ANKFN1: variants seen among roughly 807,000 people sequenced by gnomAD.
ANKFN1 encodes ankyrin repeat and fibronectin type III domain containing 1.
In ANKFN1, 74 loss-of-function variants were observed where a neutral mutation model predicts 108.7. The observed-to-expected ratio is 0.68, with a 90% CI of 0.56 to 0.83. The LOEUF is 0.83. Among genes scored for constraint, ANKFN1 ranks in the 40% least tolerant of loss-of-function variants. The pLI, the probability that ANKFN1 is intolerant of heterozygous loss-of-function variation, is 0.00. For missense variants in ANKFN1, 1,505 were observed against 1,382.3 expected, an observed-to-expected ratio of 1.09 and a Z score of -1.41; for synonymous variants, 547 against 516.2, an observed-to-expected ratio of 1.06 and a Z score of -0.81.
chr17:56,476,835 C>A (rs756786778), intron 15 of ANKFN1, among the ~76,000 whole-genome samples: 2 of 152,178 alleles, frequency 1.3e-5, no homozygotes, highest in African/African-American at 4.8e-5. Context: ...AGCTATCATA[C>A]AATTTAATTT....
chr17:56,395,703 G>T (rs2047561432), intron 8 of ANKFN1, among the ~76,000 whole-genome samples: 1 of 151,962 alleles, frequency 6.6e-6, no homozygotes, highest in East Asian at 1.9e-4. Flanking sequence ...ACAAAAATTA[G>T]CCAGGCATAG....
At chr17:56,453,965 C>T (rs1011112910) in intron 11 of ANKFN1, among the ~76,000 whole-genome samples, 1 of 152,056 alleles carries the variant, frequency 6.6e-6, no homozygotes, top group Non-Finnish European at 1.5e-5. Context: ...CAGTGATGTA[C>T]TAAGGCATCT....
intron 3 of ANKFN1, among the ~76,000 whole-genome samples, chr17:56,295,254 A>G (rs2044475010): frequency 1.3e-5 from 2 of 152,252 alleles, no homozygotes; most frequent in South Asian, 4.1e-4. Context: ...ATCACCACTC[A>G]TTTCAGCAAA....
At chr17:56,286,492 A>G (rs1425600985) in intron 3 of ANKFN1, among the ~76,000 whole-genome samples, 1 of 152,124 alleles carries the variant, frequency 6.6e-6, no homozygotes, top group Admixed American at 6.6e-5. Flanking sequence ...TCATTTGCTC[A>G]CATGTCTGGA....
At chr17:56,141,970 G>A (rs948248910) in intron 4 of ANKFN1, among the ~76,000 whole-genome samples, 20 of 125,730 alleles carry the variant, frequency 1.6e-4, no homozygotes, top group African/African-American at 5.1e-4. Flanking sequence ...TGGCTCTGTC[G>A]CCCAGGCTGG....
At chr17:56,448,280 A>G (rs2049361291) in intron 10 of ANKFN1, among the ~76,000 whole-genome samples, 1 of 151,874 alleles carries the variant, frequency 6.6e-6, no homozygotes, top group Non-Finnish European at 1.5e-5. Flanking sequence ...GACCTGCTGA[A>G]AAAAAAAACA....
intron 2 of ANKFN1, chr17:56,224,707 A>G (rs1916132747): frequency 6.6e-6 from 1 of 152,208 alleles, no homozygotes; most frequent in African/African-American, 2.4e-5. Context: ...AATGAATGGT[A>G]TGAAGAATCC....
intron 4 of ANKFN1, among the ~76,000 whole-genome samples, chr17:56,080,923 A>G (rs547187409): frequency 1.3e-5 from 2 of 152,292 alleles, no homozygotes; most frequent in African/African-American, 4.8e-5. Context: ...CTTATCACGC[A>G]ATCCCTCCCC....
In ANKFN1 at chr17:56,063,286, A is replaced by T. The variant is rs555874856; in HGVS notation, c.288+16961A>T. Reference sequence around the variant, plus strand: ...TGTTCTCTGTATTTCCTGAATGTGCATATTGGCCTGTCTTGTTAGATTGGG... The same window carrying T: ...TGTTCTCTGTATTTCCTGAATGTGCTTATTGGCCTGTCTTGTTAGATTGGG... On this transcript the variant is annotated intron_variant, in intron 4 of 12. Coordinates refer to the ANKFN1 transcript ENST00000635860. Among the ~76,000 whole-genome samples, 172 of 152,184 alleles carry T rather than the reference A, an allele frequency of 1.1e-3. 2 individuals carry two copies. In the South Asian group the frequency reaches 0.032, roughly 29 times the overall value.
intron 12 of ANKFN1, 30 bp downstream of exon 12, chr17:56,456,990 C>G (rs769801385): frequency 6.3e-7 from 1 of 1,589,672 alleles, no homozygotes; most frequent in Non-Finnish European, 8.6e-7. Flanking sequence ...TTCAGGAAAT[C>G]TTAACTTTTC....
At chr17:56,324,761 A>G (rs1426848653) in intron 3 of ANKFN1, among the ~76,000 whole-genome samples, 4 of 152,264 alleles carry the variant, frequency 2.6e-5, no homozygotes, top group Non-Finnish European at 4.4e-5. Flanking sequence ...CCAAGGATAG[A>G]AAGTGATAGT....
intron 6 of ANKFN1, chr17:56,368,275 A>AGTTT: frequency 3.2e-5 from 1 of 31,328 alleles, no homozygotes; most frequent in Non-Finnish European, 1.0e-4. Context: ...CTGAAAATGA[A>AGTTT]CTTTTTTTTT....
At chr17:56,468,645 A>G (rs1040016843) in intron 15 of ANKFN1, among the ~76,000 whole-genome samples, 2 of 152,128 alleles carry the variant, frequency 1.3e-5, no homozygotes, top group African/African-American at 4.8e-5. Flanking sequence ...CTTACTTTCT[A>G]AGTTACTTTC....
intron 3 of ANKFN1, among the ~76,000 whole-genome samples, chr17:56,286,844 C>T (rs1390866673): frequency 6.6e-6 from 1 of 152,016 alleles, no homozygotes; most frequent in African/African-American, 2.4e-5. Flanking sequence ...TGGAAACATA[C>T]ACATGTATGT....
intron 11 of ANKFN1, among the ~76,000 whole-genome samples, chr17:56,456,399 CTCTT>C (rs2049696458): frequency 9.5e-6 from 1 of 105,644 alleles, no homozygotes; most frequent in Non-Finnish European, 1.9e-5. Context: ...TTCTTTTTTT[CTCTT>C]TTTTTTTTTT....
At chr17:56,489,961 G>A (rs1249189533) in intron 18 of ANKFN1, among the ~76,000 whole-genome samples, 1 of 152,124 alleles carries the variant, frequency 6.6e-6, no homozygotes, top group Non-Finnish European at 1.5e-5. Flanking sequence ...TTCCAAACAG[G>A]AAAATCAAGC....
intron 2 of ANKFN1, among the ~76,000 whole-genome samples, chr17:56,221,906 A>T (rs531146286): frequency 1.3e-5 from 2 of 152,186 alleles, no homozygotes; most frequent in Admixed American, 1.3e-4. Context: ...CTCCCAGGAA[A>T]CAGGGAACAC....
chr17:56,389,357 A>G (rs1209873681), intron 8 of ANKFN1, among the ~76,000 whole-genome samples: 1 of 152,236 alleles, frequency 6.6e-6, no homozygotes, highest in East Asian at 1.9e-4. Context: ...AAATGATAAT[A>G]GAAGTAGGGA....
intron 1 of ANKFN1, among the ~76,000 whole-genome samples, chr17:56,186,645 G>C (rs765372027): frequency 7.9e-5 from 12 of 152,182 alleles, no homozygotes; most frequent in Non-Finnish European, 1.6e-4. Context: ...CTAGCTATCA[G>C]AGAAATGGTC....
Sources: allele counts gnomAD v4.1 joint callset (sites outside exome capture counted in the v4.1 genomes callset), GRCh38; gene constraint gnomAD v4.1.1; transcripts MANE v1.5; gene names NCBI Gene and HGNC (gene_info 2026-07-23, HGNC 2026-07-21).